Variants in LOC400499 observed in about 807,000 individuals in gnomAD.
At chr16:11,492,021 G>C in the LOC400499 span, among the ~76,000 whole-genome samples, 5 of 152,106 alleles carry the variant, frequency 3.3e-5, no homozygotes, top group Non-Finnish European at 7.4e-5. Context: ...GGAGGTAGCA[G>C]GGGTTCACTG....
the LOC400499 span, chr16:11,515,885 AGC>A: frequency 9.9e-5 from 2 of 20,194 alleles, no homozygotes; most frequent in Non-Finnish European, 2.2e-4. Flanking sequence ...AGCCCAGCCC[AGC>A]CCAGCCTAGC....
the LOC400499 span, among the ~76,000 whole-genome samples, chr16:11,382,158 A>G: frequency 9.9e-5 from 15 of 152,160 alleles, no homozygotes; most frequent in Middle Eastern, 3.4e-3. Flanking sequence ...GGCTGGTCTC[A>G]AACTCCTGAC....
At chr16:11,378,276 A>AT in the LOC400499 span, among the ~76,000 whole-genome samples, 4 of 80,130 alleles carry the variant, frequency 5.0e-5, 1 homozygote, top group Non-Finnish European at 7.4e-5. Context: ...TGCCGGGGGG[A>AT]GGGGGGAGGT....
chr16:11,376,472 C>G, the LOC400499 span, among the ~76,000 whole-genome samples: 1 of 151,946 alleles, frequency 6.6e-6, no homozygotes, highest in Non-Finnish European at 1.5e-5. Flanking sequence ...ATTCAATAGT[C>G]TTGGCATCCT....
chr16:11,436,873 C>T, the LOC400499 span, among the ~76,000 whole-genome samples: 2 of 152,008 alleles, frequency 1.3e-5, no homozygotes, highest in African/African-American at 4.8e-5. Context: ...GGATTACAGG[C>T]GTGAGCTACC....
the LOC400499 span, among the ~76,000 whole-genome samples, chr16:11,410,517 C>A: frequency 4.3e-4 from 65 of 152,274 alleles, no homozygotes; most frequent in Middle Eastern, 3.4e-3. Context: ...GCAGTTGGAG[C>A]GAAGTTTGAG....
At chr16:11,480,169 G>A in the LOC400499 span, among the ~76,000 whole-genome samples, 1 of 152,308 alleles carries the variant, frequency 6.6e-6, no homozygotes, top group South Asian at 2.1e-4. Context: ...AGTATCTGCT[G>A]CCATTCATCA....
At chr16:11,523,662 G>A in the LOC400499 span, 2 of 386,568 alleles carry the variant, frequency 5.2e-6, no homozygotes, top group Admixed American at 9.0e-5. Context: ...CCTACCCTTT[G>A]TCCAATTTGC....
At chr16:11,404,613 C>T in the LOC400499 span, 4 of 397,790 alleles carry the variant, frequency 1.0e-5, no homozygotes, top group Non-Finnish European at 1.8e-5. Context: ...TCCCAAAGGG[C>T]TTGGATTACA....
At chr16:11,522,497 G>C in the LOC400499 span, among the ~76,000 whole-genome samples, 16 of 152,264 alleles carry the variant, frequency 1.1e-4, no homozygotes, top group East Asian at 1.9e-3. Flanking sequence ...ACCCAGCCCA[G>C]TTGTGACAAC....
At chr16:11,468,909 G>C in the LOC400499 span, among the ~76,000 whole-genome samples, 1 of 152,238 alleles carries the variant, frequency 6.6e-6, no homozygotes, top group Non-Finnish European at 1.5e-5. Flanking sequence ...TTACAAGTGT[G>C]AGCCACTGCA....
At chr16:11,446,681 G>A in the LOC400499 span, 3 of 1,532,938 alleles carry the variant, frequency 2.0e-6, no homozygotes, top group Admixed American at 2.0e-5. Flanking sequence ...TGCAGGGAGT[G>A]AGGAGGCAGC....
chr16:11,450,515 T>C, the LOC400499 span: 1 of 1,253,724 alleles, frequency 8.0e-7, no homozygotes, highest in East Asian at 2.5e-5. Flanking sequence ...AGCTGCTATC[T>C]GCCCACAGAC....
the LOC400499 span, chr16:11,477,881 C>A: frequency 2.5e-6 from 1 of 399,024 alleles, no homozygotes; most frequent in Non-Finnish European, 4.4e-6. Flanking sequence ...AGTGGTTCCT[C>A]GGACCCGGAT....
the LOC400499 span, among the ~76,000 whole-genome samples, chr16:11,434,460 C>T: frequency 6.6e-6 from 1 of 152,108 alleles, no homozygotes; most frequent in Non-Finnish European, 1.5e-5. Flanking sequence ...CAGTCTCGCA[C>T]ACTTAACATG....
At chr16:11,462,524 G>C in the LOC400499 span, 4 of 729,610 alleles carry the variant, frequency 5.5e-6, no homozygotes, top group Non-Finnish European at 6.7e-6. Context: ...CCACCTCCTG[G>C]GTTCAAGTGA....
At chr16:11,476,153 T>G in the LOC400499 span, among the ~76,000 whole-genome samples, 1 of 126,818 alleles carries the variant, frequency 7.9e-6, no homozygotes, top group African/African-American at 3.2e-5. Context: ...GGGGTCAGGA[T>G]AGAGGGGGAC....
chr16:11,380,582 C>CTTTA, the LOC400499 span, among the ~76,000 whole-genome samples: 4 of 152,100 alleles, frequency 2.6e-5, no homozygotes, highest in African/African-American at 9.7e-5. Flanking sequence ...CATAATATGC[C>CTTTA]TTTATTTTGT....
the LOC400499 span, among the ~76,000 whole-genome samples, chr16:11,496,514 G>A: frequency 6.6e-6 from 1 of 152,202 alleles, no homozygotes; most frequent in African/African-American, 2.4e-5. Context: ...AGTGCTTGTG[G>A]GTGTGTACGT....
Sources: allele counts gnomAD v4.1 joint callset (sites outside exome capture counted in the v4.1 genomes callset), GRCh38; gene constraint gnomAD v4.1.1; transcripts MANE v1.5.